Variants in SLC26A9 observed in about 807,000 individuals in gnomAD.
SLC26A9 encodes solute carrier family 26 member 9.
SLC26A9 carries 46 observed loss-of-function variants against 87.1 expected under a neutral mutation model. That is an observed-to-expected ratio of 0.53 (90% CI 0.42 to 0.67). SLC26A9 has a LOEUF of 0.67. Among genes scored for constraint, SLC26A9 ranks in the 30% least tolerant of loss-of-function variants. The probability of loss-of-function intolerance (pLI) is 0.00; values close to 1 mark genes in which losing one functional copy is unlikely to be tolerated. For missense variants in SLC26A9, 927 were observed against 1,018.3 expected (o/e 0.91, Z 1.22); for synonymous variants, 437 against 409.1 (o/e 1.07, Z -0.82).
At chr1:205,925,036 C>T (rs1472327310) in intron 12 of SLC26A9, among the ~76,000 whole-genome samples, 1 of 152,222 alleles carries the variant, frequency 6.6e-6, no homozygotes. Context: ...TCAAGCGATC[C>T]TCCTGCCTCA....
In SLC26A9 at chr1:205,927,535, A is replaced by C. The variant is rs764437764; in HGVS notation, c.1172T>G (p.Leu391Arg). 3 of 1,614,152 alleles carry C rather than the reference A, an allele frequency of 1.9e-6. No homozygotes were observed. In the South Asian group the frequency reaches 3.3e-5, roughly 18 times the overall value. The change falls in exon 10 of 21, where the codon CTT becomes CGT. Residue 391 changes from leucine (L) to arginine (R), a missense_variant. Transcript: ENST00000367135. Reference protein sequence around the residue: ...FFKIHVICCALSVTLAVDGAG... With the variant: ...FFKIHVICCARSVTLAVDGAG... ...TCCATCCACAGCCAGAGTGACAGAA[A>C]GCGCACAGCAAATGACATGAATTTT...
intron 16 of SLC26A9, 22 bp downstream of exon 16, chr1:205,923,060 G>A: frequency 6.2e-7 from 1 of 1,607,062 alleles, no homozygotes. Flanking sequence ...AGGGCACGGG[G>A]CTGCTTCTGG....
At chr1:205,921,508 T>C in intron 17 of SLC26A9, 58 bp downstream of exon 17, 1 of 1,553,708 alleles carries the variant, frequency 6.4e-7, no homozygotes, top group Non-Finnish European at 8.7e-7. Context: ...AAAGGGAATG[T>C]GGAGAGCAGA....
intron 19 of SLC26A9, 29 bp from the exon 20 acceptor site, chr1:205,917,383 A>G: frequency 6.2e-7 from 1 of 1,612,752 alleles, no homozygotes; most frequent in Non-Finnish European, 8.5e-7. Context: ...GTGCAGAATG[A>G]GCTTCAGTGA....
intron 11 of SLC26A9, 68 bp downstream of exon 11, chr1:205,927,143 A>G (rs1460621787): frequency 8.4e-6 from 13 of 1,552,158 alleles, no homozygotes; most frequent in East Asian, 2.2e-5. Context: ...GTAAAGTGCC[A>G]CACAACTCTC....
intron 17 of SLC26A9, 109 bp from the exon 18 acceptor site, chr1:205,920,339 C>T: frequency 1.6e-6 from 2 of 1,289,584 alleles, no homozygotes; most frequent in Non-Finnish European, 2.2e-6. Context: ...AAATAAGCAA[C>T]CCTGAGAGCC....
intron 2 of SLC26A9, among the ~76,000 whole-genome samples, chr1:205,934,767 T>A (rs1659442129): frequency 6.6e-6 from 1 of 152,234 alleles, no homozygotes; most frequent in African/African-American, 2.4e-5. Flanking sequence ...GCACAAAGAC[T>A]GGCAGAGACC....
At chr1:205,928,302 C>T in intron 8 of SLC26A9, 2 of 524,858 alleles carry the variant, frequency 3.8e-6, no homozygotes, top group Non-Finnish European at 6.8e-6. Flanking sequence ...GTGGTAGGGC[C>T]TCGTTTGTTA....
chr1:205,928,151 G>T, intron 8 of SLC26A9, 102 bp from the exon 9 acceptor site: 1 of 1,403,732 alleles, frequency 7.1e-7, no homozygotes, highest in Non-Finnish European at 9.6e-7. Context: ...CCCATGGTGT[G>T]CCGGGATCTT....
In SLC26A9 at chr1:205,915,273, C is replaced by T; in HGVS notation, c.*84G>A. 1 of 1,603,118 alleles carries T rather than the reference C, an allele frequency of 6.2e-7. No homozygotes were observed. Among genetic ancestry groups the T allele is most frequent in the South Asian group, 1.1e-5 (1 of 89,476 alleles). On this transcript the variant is annotated 3_prime_UTR_variant, in exon 21 of 21. Coordinates refer to ENST00000367135, the MANE Select transcript of SLC26A9 (RefSeq NM_052934.4). Reference sequence around the variant, plus strand: ...GGGGGATGCACTTTCCTCCGCCCGACACCCCCTGTGACCCCAGGCTCATCC... The same window carrying T: ...GGGGGATGCACTTTCCTCCGCCCGATACCCCCTGTGACCCCAGGCTCATCC...
intron 1 of SLC26A9, among the ~76,000 whole-genome samples, chr1:205,937,468 G>A (rs956032457): frequency 2.0e-5 from 3 of 152,216 alleles, no homozygotes; most frequent in African/African-American, 4.8e-5. Flanking sequence ...TTGAGAGCCA[G>A]ATGACCTGGG....
At chr1:205,928,266 C>G (rs1307919801) in intron 8 of SLC26A9, 1 of 617,502 alleles carries the variant, frequency 1.6e-6, no homozygotes, top group Non-Finnish European at 2.8e-6. Context: ...GAGAACCTAA[C>G]TTGCCCAAGG....
Position 205,927,620 on chromosome 1 carries a change from C to G in SLC26A9, c.1102-15G>C. 6.2e-7 allele frequency: 1 copy of G among 1,609,150 alleles called. No homozygotes were observed. On this transcript the variant is annotated splice_polypyrimidine_tract_variant and intron_variant, in intron 9 of 20. Transcript: ENST00000367135. ...GCGATCATCTCCTGCAGGGAGGGGA[C>G]AGGATTAGAAGCCAGTGTGGGGCTG...
intron 1 of SLC26A9, among the ~76,000 whole-genome samples, chr1:205,940,612 C>G (rs886088212): frequency 1.3e-5 from 2 of 152,168 alleles, no homozygotes; most frequent in East Asian, 1.9e-4. Context: ...TCCATCTGCC[C>G]CTATACCTGC....
At chr1:205,917,171 C>A in intron 20 of SLC26A9, 112 bp downstream of exon 20, 2 of 881,814 alleles carry the variant, frequency 2.3e-6, no homozygotes, top group Admixed American at 2.2e-5. Flanking sequence ...TTGAATGTGA[C>A]TGCTCTGGGC....
In SLC26A9 at chr1:205,915,106, G is replaced by A. The variant is rs767516646; in HGVS notation, c.*251C>T. 8 of 1,613,940 alleles carry A rather than the reference G, an allele frequency of 5.0e-6. No individual in the cohort carries two copies. The highest frequency in any genetic ancestry group is 1.3e-5 in the African/African-American group (1 of 74,928). On this transcript the variant is annotated 3_prime_UTR_variant, in exon 21 of 21. Transcript: ENST00000367135. ...AGGAGGCTTGTCCATTGCGGCCAGG[G>A]CCTGACGGGTGAAGAGTGGGCTCAC...
intron 11 of SLC26A9, among the ~76,000 whole-genome samples, 173 bp from the exon 12 acceptor site, chr1:205,926,803 G>A (rs1176808882): frequency 6.6e-6 from 1 of 152,186 alleles, no homozygotes; most frequent in East Asian, 1.9e-4. Flanking sequence ...GCTGGCGTTA[G>A]AGCCATGGGG....
intron 18 of SLC26A9, among the ~76,000 whole-genome samples, chr1:205,919,465 G>T (rs1049933486): frequency 1.3e-5 from 2 of 152,130 alleles, no homozygotes; most frequent in African/African-American, 4.8e-5. Flanking sequence ...ATCATAGCAG[G>T]TCATTGCCAC....
chr1:205,919,174 G>A (rs532234231), intron 18 of SLC26A9, among the ~76,000 whole-genome samples, 189 bp from the exon 19 acceptor site: 2 of 152,198 alleles, frequency 1.3e-5, no homozygotes, highest in South Asian at 4.1e-4. Flanking sequence ...TGAACTTGAG[G>A]ATGCTGAAGT....
Sources: allele counts gnomAD v4.1 joint callset (sites outside exome capture counted in the v4.1 genomes callset), GRCh38; gene constraint gnomAD v4.1.1; transcripts MANE v1.5; gene names NCBI Gene and HGNC (gene_info 2026-07-23, HGNC 2026-07-21).